Variants in CASK observed in about 807,000 individuals in gnomAD.
CASK encodes the protein calcium/calmodulin dependent serine protein kinase, also known as peripheral plasma membrane protein CASK.
A neutral mutation model predicts 82.9 loss-of-function variants in CASK; 4 were observed. The observed-to-expected ratio is 0.05, with a 90% CI of 0.02 to 0.11. The LOEUF (loss-of-function observed/expected upper bound fraction) is 0.11, where lower values mean the gene tolerates loss of function less well. Among genes scored for constraint, CASK ranks in the 10% least tolerant of loss-of-function variants. The pLI is 1.00. For synonymous variants in CASK, 259 were observed against 253.5 expected (o/e 1.02, Z -0.20); for missense variants, 358 against 720.9 (o/e 0.50, Z 5.76).
chrX:41,671,808 T>C (rs768930218), intron 5 of CASK, among the ~76,000 whole-genome samples: 7 of 112,210 alleles, frequency 6.2e-5, no homozygotes, highest in African/African-American at 1.9e-4. Context: ...AGCATGGATG[T>C]TCAAGAAACA....
In CASK at chrX:41,731,249, G is replaced by A. The variant is rs143664766; in HGVS notation, c.429+8135C>T. Among the ~76,000 whole-genome samples the A allele has an allele frequency of 4.6e-3, 515 of 111,421 alleles. 3 individuals carry two copies. Among genetic ancestry groups the A allele is most frequent in the Non-Finnish European group, 7.6e-3 (402 of 52,951 alleles). Reference sequence around the variant, plus strand: ...AGCCTGATCAACATAGTGAGACCACGTCTCTACAAAAAATAGAAAAATTAG... The same window carrying A: ...AGCCTGATCAACATAGTGAGACCACATCTCTACAAAAAATAGAAAAATTAG... On this transcript the variant is annotated intron_variant, in intron 5 of 26. Transcript: ENST00000378163.
chrX:41,597,186 T>C (rs905087242), intron 12 of CASK, among the ~76,000 whole-genome samples: 2 of 112,161 alleles, frequency 1.8e-5, no homozygotes, highest in Non-Finnish European at 3.8e-5. Context: ...TAAGAAGCTA[T>C]AAAATAATTA....
intron 1 of CASK, among the ~76,000 whole-genome samples, chrX:41,904,527 A>T (rs1387810782): frequency 8.9e-6 from 1 of 112,267 alleles, no homozygotes; most frequent in Non-Finnish European, 1.9e-5. Context: ...ACAATACCCA[A>T]ATAATAGAGA....
At chrX:41,677,564 G>T (rs748982121) in intron 5 of CASK, among the ~76,000 whole-genome samples, 2 of 112,009 alleles carry the variant, frequency 1.8e-5, no homozygotes, top group African/African-American at 6.5e-5. Context: ...TGGTGACCTT[G>T]ATAAGAGTGG....
intron 5 of CASK, among the ~76,000 whole-genome samples, chrX:41,677,055 C>T (rs143173000): frequency 0.019 from 2,038 of 108,941 alleles, 47 homozygotes; most frequent in African/African-American, 0.064. Flanking sequence ...ACCTGTAATC[C>T]TAGCACTTTG....
chrX:41,875,875 A>G (rs1014371917), intron 1 of CASK, among the ~76,000 whole-genome samples: 3 of 111,974 alleles, frequency 2.7e-5, no homozygotes, highest in Non-Finnish European at 5.6e-5. Context: ...GTTTAACTGC[A>G]TGGTACAGAA....
chrX:41,699,961 T>C lies in CASK; in HGVS notation c.430-28431A>G, dbSNP rs183085551. Among the ~76,000 whole-genome samples the C allele has an allele frequency of 1.5e-4, 17 of 112,046 alleles. No homozygotes were observed. The East Asian group carries it at 4.7e-3, about 31-fold the overall frequency. On this transcript the variant is annotated intron_variant, in intron 5 of 26. Transcript: ENST00000378163. ...AGTTCCTACCTCTCCTAACCCAAGGTTTAGTTCTAGAAGCATACAGGAAAA... is the reference window on the plus strand; with the variant it reads ...AGTTCCTACCTCTCCTAACCCAAGGCTTAGTTCTAGAAGCATACAGGAAAA...
intron 2 of CASK, among the ~76,000 whole-genome samples, chrX:41,852,023 C>A (rs2071276199): frequency 9.0e-6 from 1 of 111,067 alleles, no homozygotes; most frequent in East Asian, 2.8e-4. Flanking sequence ...CAATAATAGC[C>A]AATTCTAGAG....
At chrX:41,673,829 GTTTTTTT>G (rs887137250) in intron 5 of CASK, among the ~76,000 whole-genome samples, 5 of 51,045 alleles carry the variant, frequency 9.8e-5, no homozygotes, top group African/African-American at 7.5e-5. Flanking sequence ...AACTCTGGGT[GTTTTTTT>G]TTTTTTTTTT....
intron 19 of CASK, chrX:41,556,294 G>C (rs2065159045): frequency 8.9e-6 from 1 of 112,468 alleles, no homozygotes. Flanking sequence ...GTCATAAACA[G>C]CAGTATTAGC....
intron 1 of CASK, among the ~76,000 whole-genome samples, chrX:41,860,907 A>T (rs191711159): frequency 8.9e-6 from 1 of 112,673 alleles, no homozygotes; most frequent in East Asian, 2.8e-4. Context: ...CCTTGAAAAT[A>T]GAAGGGGGAG....
chrX:41,663,138 TTGTC>T (rs1366242145), intron 7 of CASK, among the ~76,000 whole-genome samples: 3 of 111,811 alleles, frequency 2.7e-5, no homozygotes, highest in Non-Finnish European at 5.6e-5. Context: ...TAAAACAAGA[TTGTC>T]TGTGTTACTG....
Position 41,890,342 on chromosome X carries a change from C to G in CASK, c.59+32588G>C, listed in dbSNP as rs778183046. ...CTCCCAAGACCCAGACCCATTCAAC[C>G]CCTATTCTAATTGTTGAAAACTAGA... On this transcript the variant is annotated intron_variant, in intron 1 of 26. Transcript: ENST00000378163. Among the ~76,000 whole-genome samples, 27 of 109,994 alleles carry G rather than the reference C, an allele frequency of 2.5e-4. No homozygotes were observed. In the Admixed American group the frequency reaches 2.6e-3, roughly 11 times the overall value.
chrX:41,695,831 C>T (rs775530274), intron 5 of CASK: 2 of 1,202,335 alleles, frequency 1.7e-6, no homozygotes, highest in East Asian at 3.0e-5. Flanking sequence ...TTATTTTCAT[C>T]GTGGGACTGG....
chrX:41,549,460 C>T (rs1180490310), intron 21 of CASK, among the ~76,000 whole-genome samples: 1 of 111,901 alleles, frequency 8.9e-6, no homozygotes, highest in African/African-American at 3.2e-5. Flanking sequence ...AGTTTTTTGG[C>T]AATATATTGA....
intron 15 of CASK, among the ~76,000 whole-genome samples, chrX:41,574,209 G>T (rs1306963944): frequency 9.1e-6 from 1 of 110,366 alleles, no homozygotes; most frequent in East Asian, 2.8e-4. Context: ...AGTTGCTTTG[G>T]TCACCCCAGA....
intron 4 of CASK, among the ~76,000 whole-genome samples, chrX:41,744,347 CTTTT>C (rs746371317): frequency 1.0e-5 from 1 of 98,514 alleles, no homozygotes. Flanking sequence ...ATATTTACTT[CTTTT>C]TTTTTTTTTT....
intron 3 of CASK, among the ~76,000 whole-genome samples, chrX:41,775,188 G>GA (rs2069331460): frequency 9.2e-6 from 1 of 108,267 alleles, no homozygotes; most frequent in African/African-American, 3.4e-5. Context: ...AAATTTACAA[G>GA]AAAAAAACAA....
At chrX:41,565,991 T>C (rs2065311897) in intron 16 of CASK, among the ~76,000 whole-genome samples, 1 of 111,980 alleles carries the variant, frequency 8.9e-6, no homozygotes, top group Non-Finnish European at 1.9e-5. Context: ...AACCACATGA[T>C]TATCTCAACA....
Sources: allele counts gnomAD v4.1 joint callset (sites outside exome capture counted in the v4.1 genomes callset), GRCh38; gene constraint gnomAD v4.1.1; transcripts MANE v1.5; gene names NCBI Gene and HGNC (gene_info 2026-07-23, HGNC 2026-07-21).